The following DGCR8 variants were observed in gnomAD, a reference collection of about 807,000 sequenced individuals.
DGCR8 encodes microprocessor complex subunit DGCR8.
A neutral mutation model predicts 78.5 loss-of-function variants in DGCR8; 14 were observed. The observed-to-expected ratio is 0.18, with a 90% CI of 0.12 to 0.28. DGCR8 has a LOEUF of 0.28. DGCR8 is among the 10% of genes least tolerant of loss of function. The pLI is 1.00. For missense variants in DGCR8, 702 were observed against 1,022.5 expected (o/e 0.69, Z 4.28); for synonymous variants, 399 against 402.4 (o/e 0.99, Z 0.10).
rs775008487 is a variant in DGCR8 at position 20,110,303 on chromosome 22, C to T, written c.*195C>T. On this transcript the variant is annotated 3_prime_UTR_variant, in exon 14 of 14. Coordinates refer to ENST00000351989, the MANE Select transcript of DGCR8 (RefSeq NM_022720.7). ...GCCACACAGCACACATGTGGAGCAG[C>T]GGCTCTCCCTGGAAAGCTCCAGGCC... 1.7e-4 allele frequency: 99 copies of T among 570,142 alleles called. No individual in the cohort carries two copies. Among genetic ancestry groups the T allele is most frequent in the African/African-American group, 3.6e-4 (19 of 52,756 alleles). 35.3% of individuals were successfully genotyped at this position (570,142 alleles called of 1,614,324 possible).
At chr22:20,092,937 C>T (rs776071859) in intron 8 of DGCR8, 30 bp downstream of exon 8, 13 of 1,570,396 alleles carry the variant, frequency 8.3e-6, no homozygotes, top group African/African-American at 2.7e-5. Context: ...GTCAAAGATA[C>T]GTGCTGCCTG....
intron 9 of DGCR8, chr22:20,101,303 GCGGTGGCT>G: frequency 1.0e-6 from 1 of 985,150 alleles, no homozygotes; most frequent in Non-Finnish European, 1.2e-6. Flanking sequence ...TGGGCTGGGC[GCGGTGGCT>G]CACGCCTGTA....
chr22:20,083,218 G>A lies in DGCR8; in HGVS notation c.-277-2469G>A, dbSNP rs547537893. 3.3e-5 allele frequency among the ~76,000 whole-genome samples: 5 copies of A among 152,202 alleles called. No homozygotes were observed. In the South Asian group the frequency reaches 8.3e-4, roughly 25 times the overall value. On this transcript the variant is annotated intron_variant, in intron 1 of 13. Transcript: ENST00000351989. ...TAAAACTGCCTCCCCTTCTTCAGGC[G>A]CTTTCCTTGTTTTGTTTTTGCTTGA...
intron 9 of DGCR8, chr22:20,096,556 C>T: frequency 5.8e-6 from 5 of 863,842 alleles, no homozygotes; most frequent in Non-Finnish European, 4.2e-6. Flanking sequence ...TAAATTTGGC[C>T]TTTTAAACTA....
intron 7 of DGCR8, among the ~76,000 whole-genome samples, chr22:20,092,533 C>T (rs540583541): frequency 5.1e-4 from 78 of 152,320 alleles, no homozygotes; most frequent in Middle Eastern, 6.8e-3. Context: ...TGGTCCCTGT[C>T]GTAGGAGGCT....
At chr22:20,091,733 TTA>T (rs2049564675) in intron 6 of DGCR8, 101 bp downstream of exon 6, 1 of 1,531,774 alleles carries the variant, frequency 6.5e-7, no homozygotes, top group Non-Finnish European at 9.0e-7. Flanking sequence ...CGTTCAAAGT[TTA>T]TGTTTATCCC....
chr22:20,105,704 G>T (rs2049761396), intron 9 of DGCR8, among the ~76,000 whole-genome samples: 1 of 152,236 alleles, frequency 6.6e-6, no homozygotes, highest in South Asian at 2.1e-4. Flanking sequence ...GCTGGGCTCT[G>T]TGTAGCTGTG....
In DGCR8 at chr22:20,091,415, C is replaced by A; in HGVS notation, c.1307-20C>A. On this transcript the variant is annotated intron_variant, in intron 5 of 13. Coordinates refer to ENST00000351989, the MANE Select transcript of DGCR8 (RefSeq NM_022720.7). ...ATGTTGGAAGTTAAGTAATTTGTTT[C>A]TCTGGTAAATCTGGGACAGATCTCG... 6.2e-7 allele frequency: 1 copy of A among 1,613,340 alleles called. No individual in the cohort carries two copies. The highest frequency in any genetic ancestry group is 8.5e-7 in the Non-Finnish European group (1 of 1,179,380).
chr22:20,086,070 C>A lies in DGCR8; in HGVS notation c.107C>A (p.Pro36Gln). Reference sequence around the variant, plus strand: ...CAAGCGCTGCCCCGTGAGCAGTCTCCACCACCTCCCCTGCAAACGTCCAGT... The same window carrying A: ...CAAGCGCTGCCCCGTGAGCAGTCTCAACCACCTCCCCTGCAAACGTCCAGT... Reference protein sequence around the residue: ...PFQALPREQSPPPPLQTSSGA... With the variant: ...PFQALPREQSQPPPLQTSSGA... The change falls in exon 2 of 14, where the codon CCA (proline) becomes CAA (glutamine). Residue 36 changes from proline (P) to glutamine (Q), a missense_variant. Physicochemically the swap from Pro to Gln is moderately conservative, Grantham distance 76. Around this residue, in one of 4 missense-constraint regions of DGCR8, gnomAD observed 356 missense variants for 448.9 expected, o/e 0.79. Coordinates refer to ENST00000351989, the MANE Select transcript of DGCR8 (RefSeq NM_022720.7). This position sits in a 1 kb window ranked among gnomAD's most constrained non-coding sequence, Gnocchi z 6.4. The A allele has an allele frequency of 6.2e-7, 1 of 1,614,116 alleles. No individual in the cohort carries two copies. The highest frequency in any genetic ancestry group is 8.5e-7 in the Non-Finnish European group (1 of 1,180,042).
chr22:20,088,672 AC>A (rs2049517666), intron 3 of DGCR8, among the ~76,000 whole-genome samples: 1 of 152,090 alleles, frequency 6.6e-6, no homozygotes, highest in South Asian at 2.1e-4. Flanking sequence ...CTGAATCATC[AC>A]CTGATGGTGG....
At chr22:20,098,147 G>T (rs1333452159) in intron 9 of DGCR8, among the ~76,000 whole-genome samples, 2 of 146,218 alleles carry the variant, frequency 1.4e-5, no homozygotes, top group Non-Finnish European at 3.0e-5. Context: ...AAAGGAAAAA[G>T]AAAAAAAATA....
intron 9 of DGCR8, 46 bp downstream of exon 9, chr22:20,094,841 G>T (rs532998152): frequency 1.3e-6 from 2 of 1,543,168 alleles, no homozygotes; most frequent in Admixed American, 1.7e-5. Context: ...TGTGCAGTGC[G>T]GCTACCCTGC....
chr22:20,100,790 G>A (rs1421387090), intron 9 of DGCR8: 26 of 985,232 alleles, frequency 2.6e-5, no homozygotes, highest in Middle Eastern at 5.2e-4. Context: ...CCCTGCCTGG[G>A]GCTTTTTCCA....
intron 1 of DGCR8, among the ~76,000 whole-genome samples, chr22:20,083,096 A>G (rs1049585479): frequency 6.6e-6 from 1 of 151,858 alleles, no homozygotes; most frequent in African/African-American, 2.4e-5. Context: ...TCTCAGTGTC[A>G]CCTGGAACAT....
intron 9 of DGCR8, among the ~76,000 whole-genome samples, chr22:20,103,268 G>C (rs2049726162): frequency 6.6e-6 from 1 of 152,032 alleles, no homozygotes; most frequent in Non-Finnish European, 1.5e-5. Context: ...CATTTATTTA[G>C]GTCTTCTTTG....
Position 20,089,685 on chromosome 22 carries a change from T to C in DGCR8, c.897T>C (p.Pro299=), listed in dbSNP as rs2049529300. 2 of 1,613,884 alleles carry C rather than the reference T, an allele frequency of 1.2e-6. No homozygotes were observed. Among genetic ancestry groups the C allele is most frequent in the African/African-American group, 2.7e-5 (2 of 74,862 alleles). The change falls in exon 4 of 14, where the codon CCT becomes CCC. Residue 299 remains proline, a synonymous_variant. Coordinates refer to ENST00000351989, the MANE Select transcript of DGCR8 (RefSeq NM_022720.7). The surrounding 1 kb of genome is among the most constrained non-coding windows in gnomAD (Gnocchi z 4.9). ...CCTGTGCAGGTCGTGGCCGCCCACCTACAGAGCCGCTGCCCGACGGGTGGA... is the reference window on the plus strand; with the variant it reads ...CCTGTGCAGGTCGTGGCCGCCCACCCACAGAGCCGCTGCCCGACGGGTGGA... ...KTVLKSRGRP[P]TEPLPDGWIM... is the part of the protein sequence containing the mutation.
chr22:20,091,363 G>A, intron 5 of DGCR8, 72 bp from the exon 6 acceptor site: 2 of 1,490,960 alleles, frequency 1.3e-6, no homozygotes, highest in Non-Finnish European at 1.9e-6. Context: ...CCTGCCCCAT[G>A]CACTGGGCTG....
At chr22:20,107,990 GA>G (rs1039555270) in intron 12 of DGCR8, 1 of 156,136 alleles carries the variant, frequency 6.4e-6, no homozygotes, top group Non-Finnish European at 1.4e-5. Context: ...CTGGTCATTG[GA>G]AGGGGAAGTA....
Position 20,086,486 on chromosome 22 carries a change from G to C in DGCR8, c.523G>C (p.Gly175Arg). The C allele has an allele frequency of 1.9e-6, 3 of 1,614,060 alleles. No homozygotes were observed. The highest frequency in any genetic ancestry group is 2.5e-6 in the Non-Finnish European group (3 of 1,180,032). The change falls in exon 2 of 14, where the codon GGG becomes CGG. Residue 175 changes from glycine (G) to arginine (R), a missense_variant. Physicochemically the swap from Gly to Arg is moderately radical, Grantham distance 125. This residue lies in a region of DGCR8 where 356 missense variants were observed against 448.9 expected (regional missense o/e 0.79). Coordinates refer to ENST00000351989, the MANE Select transcript of DGCR8 (RefSeq NM_022720.7). The surrounding 1 kb of genome is among the most constrained non-coding windows in gnomAD (Gnocchi z 6.4). ...GGSVGDGVGI[G>R]GESADKKDEE... ...GAGTGTTGGTGACGGGGTAGGCATAGGGGGTGAGAGTGCTGATAAGAAGGA... is the reference window on the plus strand; with the variant it reads ...GAGTGTTGGTGACGGGGTAGGCATACGGGGTGAGAGTGCTGATAAGAAGGA...
Sources: gnomAD v4.1 joint callset for allele counts (sites outside exome capture counted in the v4.1 genomes callset) on GRCh38, gnomAD v4.1.1 for gene constraint, gnomAD v4.1.1 regional missense constraint, Gnocchi (gnomAD v3.1) non-coding constraint, MANE v1.5 for transcripts, NCBI Gene and HGNC (gene_info 2026-07-23, HGNC 2026-07-21) for gene names.